CAP2: variants seen among roughly 807,000 people sequenced by gnomAD.
CAP2 encodes the protein cyclase associated actin cytoskeleton regulatory protein 2, also known as adenylyl cyclase-associated protein 2.
A neutral mutation model predicts 57.7 loss-of-function variants in CAP2; 24 were observed. The ratio of observed to expected loss-of-function variants is 0.42; its 90% confidence interval spans 0.30 to 0.58. CAP2 has a LOEUF of 0.58. CAP2 is among the 20% of genes least tolerant of loss of function. CAP2 has a pLI of 0.22. For synonymous variants in CAP2, 194 were observed against 207.2 expected (o/e 0.94, Z 0.55); for missense variants, 501 against 590.3 (o/e 0.85, Z 1.57).
chr6:17,437,296 T>A (rs776085182), intron 3 of CAP2, among the ~76,000 whole-genome samples: 21 of 151,994 alleles, frequency 1.4e-4, no homozygotes, highest in Non-Finnish European at 1.0e-4. Flanking sequence ...CAGAGCAGGG[T>A]GCAGCAGGGT....
chr6:17,533,973 C>T (rs1048321002), intron 7 of CAP2, among the ~76,000 whole-genome samples: 5 of 152,164 alleles, frequency 3.3e-5, no homozygotes, highest in Non-Finnish European at 5.9e-5. Context: ...ATTTCATCAA[C>T]GTAACAAAGT....
chr6:17,545,306 G>A (rs952825527), intron 11 of CAP2, among the ~76,000 whole-genome samples: 4 of 152,064 alleles, frequency 2.6e-5, no homozygotes, highest in Non-Finnish European at 5.9e-5. Flanking sequence ...GGTAGCAATG[G>A]TGAAACCATA....
chr6:17,503,254 G>A (rs1370458184), intron 4 of CAP2, among the ~76,000 whole-genome samples: 1 of 152,084 alleles, frequency 6.6e-6, no homozygotes, highest in African/African-American at 2.4e-5. Context: ...GTGACGGCAG[G>A]GTTGGTCTCT....
intron 3 of CAP2, among the ~76,000 whole-genome samples, chr6:17,444,511 A>G (rs1197946955): frequency 6.6e-6 from 1 of 151,786 alleles, no homozygotes; most frequent in Non-Finnish European, 1.5e-5. Flanking sequence ...GTGGCATGCT[A>G]GGACCTGTAG....
Position 17,513,420 on chromosome 6 carries a change from A to G in CAP2, c.531-429A>G, listed in dbSNP as rs576223594. Among the ~76,000 whole-genome samples, 7 of 152,022 alleles carry G rather than the reference A, an allele frequency of 4.6e-5. No homozygotes were observed. Among genetic ancestry groups the G allele is most frequent in the Non-Finnish European group, 1.0e-4 (7 of 68,014 alleles). On this transcript the variant is annotated intron_variant, in intron 6 of 12. Transcript: ENST00000229922. The surrounding 1 kb of genome is among the most constrained non-coding windows in gnomAD (Gnocchi z 4.3). ...ACAGAATTATTAGAAAATGAACCCA[A>G]TGACTTTTTTTTTCTTTTTAATACC...
At chr6:17,461,719 G>T (rs908103001) in intron 3 of CAP2, among the ~76,000 whole-genome samples, 1 of 151,484 alleles carries the variant, frequency 6.6e-6, no homozygotes, top group Non-Finnish European at 1.5e-5. Flanking sequence ...AAGGCCAGGC[G>T]TGGTGGCTCA....
chr6:17,538,487 T>A lies in CAP2; in HGVS notation c.637-782T>A, dbSNP rs929423183. On this transcript the variant is annotated intron_variant, in intron 7 of 12. Coordinates refer to ENST00000229922, the MANE Select transcript of CAP2 (RefSeq NM_006366.3). ...AAAAGCAAAACTGAACTAAAGCAAG[T>A]CTCTCTCTTGTCTATCACGTCTTAT... 3.3e-5 allele frequency among the ~76,000 whole-genome samples: 5 copies of A among 152,188 alleles called. No individual in the cohort carries two copies. The Middle Eastern group carries it at 0.017, about 518-fold the overall frequency.
At chr6:17,462,913 C>A in intron 3 of CAP2, 83 bp from the exon 4 acceptor site, 3 of 1,033,182 alleles carry the variant, frequency 2.9e-6, no homozygotes, top group Non-Finnish European at 4.6e-6. Context: ...TGGGTATATA[C>A]CTACGGGTGG....
At chr6:17,496,991 G>T (rs143093917) in intron 4 of CAP2, among the ~76,000 whole-genome samples, 2 of 152,298 alleles carry the variant, frequency 1.3e-5, no homozygotes, top group African/African-American at 4.8e-5. Flanking sequence ...AGTTTAAACT[G>T]AGATTTATCA....
chr6:17,450,043 T>G (rs1760362355), intron 3 of CAP2, among the ~76,000 whole-genome samples: 1 of 152,082 alleles, frequency 6.6e-6, no homozygotes, highest in Non-Finnish European at 1.5e-5. Context: ...GAAAACCATT[T>G]ATCAGTTCTA....
At chr6:17,453,494 C>A (rs1274092159) in intron 3 of CAP2, among the ~76,000 whole-genome samples, 2 of 152,164 alleles carry the variant, frequency 1.3e-5, no homozygotes, top group Admixed American at 6.6e-5. Context: ...AAAGTCAGCT[C>A]CCGTAATTAA....
At chr6:17,428,284 C>T (rs1029449038) in intron 3 of CAP2, among the ~76,000 whole-genome samples, 1 of 152,122 alleles carries the variant, frequency 6.6e-6, no homozygotes, top group African/African-American at 2.4e-5. Flanking sequence ...AAAATATTAG[C>T]ATCATCTCCG....
chr6:17,493,537 G>A (rs554882941), intron 4 of CAP2: 41 of 215,968 alleles, frequency 1.9e-4, no homozygotes, highest in Admixed American at 1.1e-3. Flanking sequence ...AACCCCAGGA[G>A]AGAAACAATA....
chr6:17,529,930 G>T (rs1762601861), intron 7 of CAP2, among the ~76,000 whole-genome samples: 2 of 151,686 alleles, frequency 1.3e-5, no homozygotes, highest in Non-Finnish European at 2.9e-5. Context: ...AAGGTGGGAG[G>T]CTCTCTTGAG....
intron 4 of CAP2, among the ~76,000 whole-genome samples, chr6:17,468,279 C>G (rs1760926235): frequency 6.6e-6 from 1 of 152,178 alleles, no homozygotes; most frequent in Non-Finnish European, 1.5e-5. Context: ...TTCAAATTTC[C>G]TTTCTCACTT....
intron 1 of CAP2, among the ~76,000 whole-genome samples, chr6:17,402,760 C>G (rs1758849718): frequency 6.6e-6 from 1 of 152,192 alleles, no homozygotes; most frequent in East Asian, 1.9e-4. Context: ...GTCTGTATGA[C>G]TTGCTTTACT....
chr6:17,434,044 AC>A (rs1189411911), intron 3 of CAP2, among the ~76,000 whole-genome samples: 4 of 152,104 alleles, frequency 2.6e-5, no homozygotes, highest in African/African-American at 9.7e-5. Flanking sequence ...GAAAAAAATC[AC>A]CAAGATACCT....
At chr6:17,496,082 T>G (rs1761664646) in intron 4 of CAP2, among the ~76,000 whole-genome samples, 1 of 148,934 alleles carries the variant, frequency 6.7e-6, no homozygotes, top group Non-Finnish European at 1.5e-5. Flanking sequence ...TTAAATGCCC[T>G]TGAAAGCATC....
intron 7 of CAP2, chr6:17,531,486 C>G: frequency 6.7e-7 from 1 of 1,486,972 alleles, no homozygotes; most frequent in Non-Finnish European, 9.3e-7. Flanking sequence ...TTCGCTTTTT[C>G]ATAGATAAGC....
Sources: allele counts gnomAD v4.1 joint callset (sites outside exome capture counted in the v4.1 genomes callset), GRCh38; gene constraint gnomAD v4.1.1; non-coding constraint Gnocchi (gnomAD v3.1); transcripts MANE v1.5; gene names NCBI Gene and HGNC (gene_info 2026-07-23, HGNC 2026-07-21).